The following MYH11 variants were observed in gnomAD, a reference collection of about 807,000 sequenced individuals.
The protein encoded by MYH11 is myosin heavy chain 11.
MYH11 carries 80 observed loss-of-function variants against 246.6 expected under a neutral mutation model. That is an observed-to-expected ratio of 0.32 (90% CI 0.27 to 0.39). The LOEUF is 0.39. Among genes scored for constraint, MYH11 ranks in the 10% least tolerant of loss-of-function variants. MYH11 has a pLI of 1.00. For synonymous variants in MYH11, 1,071 were observed against 1,015.5 expected, an observed-to-expected ratio of 1.05 and a Z score of -1.04; for missense variants, 2,158 against 2,546.8, an observed-to-expected ratio of 0.85 and a Z score of 3.29.
intron 2 of MYH11, among the ~76,000 whole-genome samples, chr16:15,832,592 ATTAAG>A (rs775236661): frequency 1.3e-5 from 2 of 152,170 alleles, no homozygotes; most frequent in East Asian, 1.9e-4. Context: ...TTTTTGATAT[ATTAAG>A]TTAACTCAAT....
chr16:15,848,254 A>G (rs2044248367), intron 1 of MYH11, among the ~76,000 whole-genome samples: 2 of 136,072 alleles, frequency 1.5e-5, no homozygotes, highest in South Asian at 4.6e-4. Flanking sequence ...TTTTTTTGAC[A>G]CAGAGTCTCG....
chr16:15,799,033 G>A (rs1011073861), intron 3 of MYH11, among the ~76,000 whole-genome samples: 1 of 152,180 alleles, frequency 6.6e-6, no homozygotes, highest in African/African-American at 2.4e-5. Context: ...ATACAGATTG[G>A]GGTCCCCCTT....
intron 8 of MYH11, 180 bp downstream of exon 8, chr16:15,775,898 A>G: frequency 6.1e-6 from 4 of 660,602 alleles, no homozygotes; most frequent in Non-Finnish European, 1.1e-5. Context: ...AATGAGAATG[A>G]CTGAACACAA....
intron 2 of MYH11, among the ~76,000 whole-genome samples, chr16:15,833,780 C>T (rs1018834729): frequency 5.3e-5 from 8 of 152,106 alleles, no homozygotes; most frequent in Non-Finnish European, 8.8e-5. Flanking sequence ...CCTCACTACC[C>T]GCCTATTAAC....
rs1005977032 is a variant in MYH11 at position 15,717,159 on chromosome 16, G to C, written c.5485C>G (p.Gln1829Glu). ...LEAKIAQLEE[Q>E]VEQEAREKQA... ...GCATACCTGGCCTCCTGCTCGACCT[G>C]CTCCTCCAGCTGTGCAATCTTGGCC... Residue 1829 changes from glutamine (Q) to glutamate (E), a missense_variant, in exon 38 of 41, where the codon CAG becomes GAG. Coordinates refer to ENST00000300036, the MANE Select transcript of MYH11 (RefSeq NM_002474.3). The C allele has an allele frequency of 6.2e-6, 10 of 1,614,046 alleles. No individual in the cohort carries two copies. The highest frequency in any genetic ancestry group is 8.5e-6 in the Non-Finnish European group (10 of 1,180,036).
chr16:15,705,984 CA>C (rs57451847), intron 40 of MYH11, among the ~76,000 whole-genome samples: 2,416 of 56,684 alleles, frequency 0.043, 41 homozygotes, highest in Admixed American at 0.098. Flanking sequence ...GACTCCGTCT[CA>C]AAAAAAAAAA....
intron 15 of MYH11, among the ~76,000 whole-genome samples, chr16:15,752,433 C>A (rs1483883501): frequency 6.6e-6 from 1 of 152,106 alleles, no homozygotes; most frequent in Non-Finnish European, 1.5e-5. Context: ...TCACAGGGAT[C>A]ATCTATTCAC....
intron 4 of MYH11, among the ~76,000 whole-genome samples, chr16:15,788,872 G>A (rs2042545052): frequency 6.6e-6 from 1 of 151,630 alleles, no homozygotes; most frequent in Non-Finnish European, 1.5e-5. Flanking sequence ...GTGCAGCAGA[G>A]AACTGGCCAC....
At chr16:15,820,214 T>A (rs2043371372) in intron 3 of MYH11, among the ~76,000 whole-genome samples, 1 of 152,052 alleles carries the variant, frequency 6.6e-6, no homozygotes, top group South Asian at 2.1e-4. Flanking sequence ...TGATGGTGCA[T>A]GCCTGTAATC....
At chr16:15,706,823 A>G (rs1037712075) in intron 40 of MYH11, among the ~76,000 whole-genome samples, 5 of 152,214 alleles carry the variant, frequency 3.3e-5, no homozygotes, top group Non-Finnish European at 5.9e-5. Flanking sequence ...GGAAAAGCTT[A>G]ATGGATAAAT....
intron 10 of MYH11, among the ~76,000 whole-genome samples, chr16:15,762,963 C>A (rs1256951017): frequency 1.3e-5 from 2 of 152,166 alleles, no homozygotes; most frequent in Non-Finnish European, 2.9e-5. Flanking sequence ...CAGCCACCAA[C>A]AAGCATAGTG....
intron 28 of MYH11, chr16:15,726,477 TCTC>T (rs1344227564): frequency 1.1e-5 from 4 of 354,238 alleles, no homozygotes; most frequent in East Asian, 1.4e-4. Flanking sequence ...TTCAAGCTAT[TCTC>T]CTGCCTCAGC....
chr16:15,829,096 G>A (rs1340209498), intron 2 of MYH11, among the ~76,000 whole-genome samples: 1 of 150,918 alleles, frequency 6.6e-6, no homozygotes, highest in Admixed American at 6.6e-5. Flanking sequence ...AGGCAGGAGA[G>A]TCACCTGAAC....
At chr16:15,781,456 G>A (rs1286191682) in intron 6 of MYH11, among the ~76,000 whole-genome samples, 2 of 152,148 alleles carry the variant, frequency 1.3e-5, no homozygotes, top group East Asian at 1.9e-4. Context: ...GTCTTTCACA[G>A]GGCCCCATCT....
chr16:15,789,985 G>A (rs1439625471), intron 4 of MYH11, among the ~76,000 whole-genome samples: 3 of 152,128 alleles, frequency 2.0e-5, no homozygotes, highest in African/African-American at 7.2e-5. Flanking sequence ...CCCTGGCCTT[G>A]AACCTCTCTC....
chr16:15,784,684 T>A lies in MYH11; in HGVS notation c.633+1946A>T. The A allele has an allele frequency of 1.9e-6, 3 of 1,613,722 alleles. No individual in the cohort carries two copies. In the South Asian group the frequency reaches 3.3e-5, roughly 18 times the overall value. ...CCTCCCCTACACACCAGGAAAACAC[T>A]CTCAGTTACTCACGTAGGCAAAAGA... On this transcript the variant is annotated intron_variant, in intron 5 of 40. Transcript: ENST00000300036.
chr16:15,799,953 CGGAA>C (rs927880410), intron 3 of MYH11, among the ~76,000 whole-genome samples: 2 of 147,712 alleles, frequency 1.4e-5, no homozygotes, highest in South Asian at 2.2e-4. Flanking sequence ...GATGAGTGGA[CGGAA>C]GGAAGGAAGA....
chr16:15,721,129 C>T (rs1332662109), intron 32 of MYH11, 78 bp from the exon 33 acceptor site: 2 of 1,503,746 alleles, frequency 1.3e-6, no homozygotes, highest in Admixed American at 3.5e-5. Flanking sequence ...GTGAGCGGCA[C>T]CTCAGGAGAT....
chr16:15,759,217 T>TA (rs398028823), intron 12 of MYH11, among the ~76,000 whole-genome samples: 4 of 141,568 alleles, frequency 2.8e-5, no homozygotes, highest in East Asian at 4.1e-4. Flanking sequence ...TTTTTTTTTT[T>TA]ACCAGGATTA....
Sources: allele counts gnomAD v4.1 joint callset (sites outside exome capture counted in the v4.1 genomes callset), GRCh38; gene constraint gnomAD v4.1.1; transcripts MANE v1.5; gene names NCBI Gene and HGNC (gene_info 2026-07-23, HGNC 2026-07-21).